RABEPK: variants seen among roughly 807,000 people sequenced by gnomAD.
The protein encoded by RABEPK is 40 kDa Rab9 effector protein.
RABEPK carries 27 observed loss-of-function variants against 34.1 expected under a neutral mutation model. The observed-to-expected ratio is 0.79, with a 90% CI of 0.58 to 1.09. The LOEUF is 1.09. Among genes scored for constraint, RABEPK ranks in the 50% least tolerant of loss-of-function variants. The pLI, the probability that RABEPK is intolerant of heterozygous loss-of-function variation, is 0.00. For missense variants in RABEPK, 449 were observed against 462.6 expected (o/e 0.97, Z 0.27); for synonymous variants, 172 against 169.2 (o/e 1.02, Z -0.13).
At chr9:125,232,257 G>C (rs936245711) in intron 6 of RABEPK, among the ~76,000 whole-genome samples, 8 of 151,628 alleles carry the variant, frequency 5.3e-5, no homozygotes, top group African/African-American at 1.9e-4. Flanking sequence ...GAGACAGAGA[G>C]AGAGAGAGAG....
chr9:125,213,906 A>T (rs970576910), intron 4 of RABEPK, among the ~76,000 whole-genome samples: 1 of 152,166 alleles, frequency 6.6e-6, no homozygotes, highest in Non-Finnish European at 1.5e-5. Context: ...AGATCACTTG[A>T]GGTCAGGAGT....
intron 3 of RABEPK, among the ~76,000 whole-genome samples, chr9:125,212,580 C>T (rs1830656983): frequency 6.6e-6 from 1 of 151,974 alleles, no homozygotes; most frequent in Non-Finnish European, 1.5e-5. Flanking sequence ...TTGCAAGTAA[C>T]AGAATCTCAC....
chr9:125,202,687 G>A (rs1829983198), intron 1 of RABEPK, among the ~76,000 whole-genome samples: 1 of 151,918 alleles, frequency 6.6e-6, no homozygotes, highest in Admixed American at 6.6e-5. Context: ...AAAATTAGCT[G>A]GGCGTAGTGG....
intron 3 of RABEPK, among the ~76,000 whole-genome samples, 195 bp downstream of exon 3, chr9:125,207,916 A>G (rs967057666): frequency 2.6e-5 from 4 of 152,158 alleles, no homozygotes; most frequent in African/African-American, 9.7e-5. Context: ...ACCTGAGGTT[A>G]GAGTTCGAGA....
chr9:125,226,761 G>T (rs1010827831), intron 5 of RABEPK, among the ~76,000 whole-genome samples: 5 of 152,128 alleles, frequency 3.3e-5, no homozygotes, highest in African/African-American at 1.2e-4. Context: ...CTACTCGGGA[G>T]GCTGAGGCAG....
At chr9:125,233,150 A>G (rs574680687) in intron 7 of RABEPK, among the ~76,000 whole-genome samples, 11 of 151,996 alleles carry the variant, frequency 7.2e-5, no homozygotes, top group African/African-American at 2.7e-4. Context: ...ATCTAAATCC[A>G]AAAGAATGAA....
In RABEPK at chr9:125,220,616, A is replaced by G. The variant is rs762320860; in HGVS notation, c.442A>G (p.Ile148Val). ...AACATTCCACACATCATCGGCAGCC[A>G]TTGGAAACCAGCTATATGTCTTTGG... ...PRTFHTSSAA[I>V]GNQLYVFGGG... Residue 148 changes from isoleucine (I) to valine (V), a missense_variant, in exon 5 of 8, where the codon ATT becomes GTT. By Grantham distance (29) the Ile-to-Val change is conservative. Transcript: ENST00000373538. The G allele has an allele frequency of 5.6e-6, 9 of 1,614,198 alleles. No individual in the cohort carries two copies. The Admixed American group carries it at 6.7e-5, about 12-fold the overall frequency.
At chr9:125,221,171 TAAA>T (rs1831305384) in intron 5 of RABEPK, 1 of 112,750 alleles carries the variant, frequency 8.9e-6, no homozygotes, top group Non-Finnish European at 2.0e-5. Context: ...AATAAATAAA[TAAA>T]TAAATAAATA....
chr9:125,201,881 G>A (rs999535393), intron 1 of RABEPK, among the ~76,000 whole-genome samples: 1 of 150,830 alleles, frequency 6.6e-6, no homozygotes, highest in Non-Finnish European at 1.5e-5. Flanking sequence ...CAAAGTGCTG[G>A]GATTACAGGC....
intron 4 of RABEPK, among the ~76,000 whole-genome samples, chr9:125,215,288 T>TG (rs59885431): frequency 0.76 from 112,609 of 147,942 alleles, 43,381 homozygotes; most frequent in African/African-American, 0.86. Context: ...TTGTTTGTTT[T>TG]TTTTGGGTTT....
At chr9:125,224,588 G>A (rs1165178063) in intron 5 of RABEPK, among the ~76,000 whole-genome samples, 1 of 151,794 alleles carries the variant, frequency 6.6e-6, no homozygotes, top group Non-Finnish European at 1.5e-5. Flanking sequence ...GAGTAGCTTG[G>A]ACTGCAGGCA....
Position 125,232,670 on chromosome 9 carries a change from A to G in RABEPK, c.751A>G (p.Met251Val), listed in dbSNP as rs370225851. The G allele has an allele frequency of 1.2e-5, 19 of 1,614,074 alleles. No homozygotes were observed. In the South Asian group the frequency reaches 1.8e-4, roughly 15 times the overall value. ...AGCAAHSAVA[M>V]GKHVYIFGGM... ...CTGTGCTGCCCACTCAGCTGTGGCC[A>G]TGGGAAAACATGTGTACATCTTTGG... is the stretch of plus-strand genomic sequence containing the variant. Residue 251 changes from methionine (M) to valine (V), a missense_variant, in exon 7 of 8, where the codon ATG (methionine) becomes GTG (valine). Met to Val is a conservative substitution (Grantham distance 21). Transcript: ENST00000373538.
At position 125,233,904 on chromosome 9, in the gene RABEPK, T is replaced by A. The variant is rs1169962263; in HGVS notation, c.1043T>A (p.Leu348Gln). 6.2e-7 allele frequency: 1 copy of A among 1,613,444 alleles called. No homozygotes were observed. Among genetic ancestry groups the A allele is most frequent in the Non-Finnish European group, 8.5e-7 (1 of 1,179,476 alleles). The change falls in exon 8 of 8, where the codon CTG becomes CAG. Residue 348 changes from leucine (L) to glutamine (Q), a missense_variant. Coordinates refer to ENST00000373538, the MANE Select transcript of RABEPK (RefSeq NM_005833.4). Reference protein sequence around the residue: ...DSHEESQTATLLCLVFGGMNT... With the variant: ...DSHEESQTATQLCLVFGGMNT... ...CATGAGGAAAGCCAGACTGCTACACTGCTCTGTTTGGTGTTTGGTGGGATG... is the reference window on the plus strand; with the variant it reads ...CATGAGGAAAGCCAGACTGCTACACAGCTCTGTTTGGTGTTTGGTGGGATG...
Position 125,207,547 on chromosome 9 carries a change from C to T in RABEPK, c.54-17C>T. 1 of 1,611,956 alleles carries T rather than the reference C, an allele frequency of 6.2e-7. No homozygotes were observed. The highest frequency in any genetic ancestry group is 8.5e-7 in the Non-Finnish European group (1 of 1,177,994). ...ATTCTCTGCTCAGGCCTCCTGAATACATCCTTCCTTTGGCAGGTACACCTT... is the reference window on the plus strand; with the variant it reads ...ATTCTCTGCTCAGGCCTCCTGAATATATCCTTCCTTTGGCAGGTACACCTT... On this transcript the variant is annotated splice_polypyrimidine_tract_variant and intron_variant, in intron 2 of 7. Coordinates refer to ENST00000373538, the MANE Select transcript of RABEPK (RefSeq NM_005833.4).
intron 3 of RABEPK, among the ~76,000 whole-genome samples, chr9:125,212,544 ACTTGT>A (rs909956313): frequency 7.2e-5 from 11 of 151,970 alleles, no homozygotes; most frequent in African/African-American, 2.7e-4. Flanking sequence ...TATTCTGTGA[ACTTGT>A]CTTAGCCAGC....
intron 2 of RABEPK, among the ~76,000 whole-genome samples, chr9:125,206,497 C>CAAAA (rs34754516): frequency 7.2e-6 from 1 of 139,792 alleles, no homozygotes; most frequent in Non-Finnish European, 1.6e-5. Flanking sequence ...GACTCCGTCT[C>CAAAA]AAAAAAAAAA....
Position 125,232,216 on chromosome 9 carries a change from G to GTA in RABEPK, c.677-379_677-378dup, listed in dbSNP as rs1281706101. Among the ~76,000 whole-genome samples the GTA allele has an allele frequency of 7.3e-5, 8 of 109,250 alleles. No individual in the cohort carries two copies. In the South Asian group the frequency reaches 1.4e-3, roughly 19 times the overall value. The allele number at this position is 109,250 out of a possible 152,430, so 71.7% of individuals were successfully genotyped here. On this transcript the variant is annotated intron_variant, in intron 6 of 7. Coordinates refer to ENST00000373538, the MANE Select transcript of RABEPK (RefSeq NM_005833.4). ...GCCCGGCCCAGGAACTGTATTTAAA[G>GTA]TACACACACACACACACACACACAC... is the stretch of plus-strand genomic sequence containing the variant.
At chr9:125,229,101 A>G (rs940595662) in intron 6 of RABEPK, among the ~76,000 whole-genome samples, 4 of 151,186 alleles carry the variant, frequency 2.6e-5, no homozygotes, top group Non-Finnish European at 4.4e-5. Flanking sequence ...TAAAAATATA[A>G]AAATTAGCCA....
chr9:125,223,725 T>TA (rs35661565), intron 5 of RABEPK, among the ~76,000 whole-genome samples: 328 of 119,728 alleles, frequency 2.7e-3, no homozygotes, highest in African/African-American at 6.8e-3. Flanking sequence ...ACCCTGACTC[T>TA]AAAAAAAAAA....
Sources: gnomAD v4.1 joint callset for allele counts (sites outside exome capture counted in the v4.1 genomes callset) on GRCh38, gnomAD v4.1.1 for gene constraint, MANE v1.5 for transcripts, NCBI Gene and HGNC (gene_info 2026-07-23, HGNC 2026-07-21) for gene names.